The following SPA17 variants were observed in gnomAD, a reference collection of about 807,000 sequenced individuals.
The protein encoded by SPA17 is sperm surface protein Sp17.
A neutral mutation model predicts 13.8 loss-of-function variants in SPA17; 7 were observed. That is an observed-to-expected ratio of 0.51 (90% confidence interval 0.29 to 0.95). The LOEUF (loss-of-function observed/expected upper bound fraction) is 0.95. Among genes scored for constraint, SPA17 ranks in the 40% least tolerant of loss-of-function variants. The pLI is 0.08. For synonymous variants in SPA17, 61 were observed against 59.0 expected, an observed-to-expected ratio of 1.03 and a Z score of -0.16; for missense variants, 170 against 179.3, an observed-to-expected ratio of 0.95 and a Z score of 0.30.
intron 3 of SPA17, among the ~76,000 whole-genome samples, chr11:124,690,489 A>C (rs148191463): frequency 0.012 from 1,892 of 152,318 alleles, 22 homozygotes; most frequent in Non-Finnish European, 0.02. Flanking sequence ...GAGAAAGGAG[A>C]ATAATGAGAA....
At chr11:124,681,556 G>A in intron 3 of SPA17, 97 bp downstream of exon 3, 1 of 685,002 alleles carries the variant, frequency 1.5e-6, no homozygotes, top group Non-Finnish European at 2.2e-6. Context: ...AATTATGTGA[G>A]GAGGCATCAC....
chr11:124,681,035 G>A (rs1484539439), intron 2 of SPA17, among the ~76,000 whole-genome samples: 1 of 151,598 alleles, frequency 6.6e-6, no homozygotes, highest in Non-Finnish European at 1.5e-5. Flanking sequence ...TAGCATTTAG[G>A]TTTATACATT....
chr11:124,693,251 T>C (rs1361391444), intron 4 of SPA17, among the ~76,000 whole-genome samples: 1 of 152,162 alleles, frequency 6.6e-6, no homozygotes, highest in Admixed American at 6.6e-5. Context: ...TTTGTCTCAT[T>C]ATTTATAATA....
chr11:124,675,058 A>T, intron 1 of SPA17, 180 bp from the exon 2 acceptor site: 1 of 537,424 alleles, frequency 1.9e-6, no homozygotes, highest in Non-Finnish European at 3.2e-6. Flanking sequence ...TTTGTATTAT[A>T]CTAATTCACA....
chr11:124,683,838 T>A (rs973672068), intron 3 of SPA17, among the ~76,000 whole-genome samples: 1 of 152,124 alleles, frequency 6.6e-6, no homozygotes, highest in African/African-American at 2.4e-5. Context: ...TTAAAAAAAA[T>A]TTCTATGTCT....
At chr11:124,676,916 T>C (rs554320047) in intron 2 of SPA17, among the ~76,000 whole-genome samples, 90 of 152,328 alleles carry the variant, frequency 5.9e-4, no homozygotes, top group South Asian at 2.1e-3. Flanking sequence ...GGGAAAAAAC[T>C]AAAATTATTT....
intron 3 of SPA17, among the ~76,000 whole-genome samples, chr11:124,683,213 C>T (rs1943544602): frequency 6.6e-6 from 1 of 152,146 alleles, no homozygotes; most frequent in Non-Finnish European, 1.5e-5. Flanking sequence ...ACTAGGCTGG[C>T]CCTACAAGAA....
chr11:124,677,879 G>A (rs546358273), intron 2 of SPA17, among the ~76,000 whole-genome samples: 3 of 152,290 alleles, frequency 2.0e-5, no homozygotes, highest in Admixed American at 6.5e-5. Context: ...ACTTATGAAA[G>A]TATATTCAAA....
At position 124,681,447 on chromosome 11, in the gene SPA17, T is replaced by A. The variant is rs1389864209; in HGVS notation, c.213T>A (p.Asn71Lys). The change falls in exon 3 of 5, where the codon AAT becomes AAA. Residue 71 changes from asparagine to lysine, a missense_variant. Physicochemically the swap from Asn to Lys is moderately conservative, Grantham distance 94. Transcript: ENST00000227135. Reference protein sequence around the residue: ...GSKVEDRFYNNHAFEEQEPPE... With the variant: ...GSKVEDRFYNKHAFEEQEPPE... ...AGGTAGAAGACCGCTTCTATAACAA[T>A]CATGCATTCGAGGTATGGTCCTTTG... The A allele has an allele frequency of 6.3e-7, 1 of 1,583,868 alleles. No homozygotes were observed. The highest frequency in any genetic ancestry group is 8.6e-7 in the Non-Finnish European group (1 of 1,162,454).
chr11:124,694,507 TA>T lies in SPA17; in HGVS notation c.*63del. The stretch of plus-strand genomic sequence containing the variant: ...AATCCAAATCCATCAACCTTCTTAT[TA>T]ATGTCATTTCTTCCTGAGGAAGGAA... On this transcript the variant is annotated 3_prime_UTR_variant, in exon 5 of 5. Coordinates refer to ENST00000227135, the MANE Select transcript of SPA17 (RefSeq NM_017425.4). 1 of 1,535,316 alleles carries T rather than the reference TA, an allele frequency of 6.5e-7. No individual in the cohort carries two copies. Among genetic ancestry groups the T allele is most frequent in the Non-Finnish European group, 8.8e-7 (1 of 1,140,742 alleles).
intron 3 of SPA17, among the ~76,000 whole-genome samples, chr11:124,687,964 A>G (rs1275694585): frequency 1.3e-5 from 2 of 152,144 alleles, no homozygotes; most frequent in Non-Finnish European, 2.9e-5. Context: ...AGAAATAAAA[A>G]GCATCCATAT....
In SPA17 at chr11:124,675,288, C is replaced by T. The variant is rs1943446176; in HGVS notation, c.24C>T (p.Thr8=). The change falls in exon 2 of 5, where the codon ACC becomes ACT. Residue 8 remains threonine, a synonymous_variant. Transcript: ENST00000227135. The part of the protein sequence containing the change: MSIPFSN[T]HYRIPQGFGN... ...AGATGTCGATTCCATTCTCCAACACCCACTACCGAATTCCACAAGGATTTG... is the reference window on the plus strand; with the variant it reads ...AGATGTCGATTCCATTCTCCAACACTCACTACCGAATTCCACAAGGATTTG... 1.2e-6 allele frequency: 2 copies of T among 1,613,810 alleles called. No individual in the cohort carries two copies. Among genetic ancestry groups the T allele is most frequent in the African/African-American group, 2.7e-5 (2 of 74,904 alleles).
intron 1 of SPA17, 36 bp from the exon 2 acceptor site, chr11:124,675,202 C>T (rs570728747): frequency 1.9e-6 from 3 of 1,543,862 alleles, no homozygotes; most frequent in Admixed American, 4.3e-5. Context: ...TAAAATCAGA[C>T]AAATTTAAAG....
chr11:124,696,539 AG>A lies in SPA17; in HGVS notation c.*2095del, dbSNP rs1296821542. 6.6e-6 allele frequency: 1 copy of A among 152,234 alleles called. No individual in the cohort carries two copies. Among genetic ancestry groups the A allele is most frequent in the Non-Finnish European group, 1.5e-5 (1 of 68,078 alleles). The allele number at this position is 152,234 out of a possible 1,614,324, so 9.4% of individuals were successfully genotyped here. On this transcript the variant is annotated 3_prime_UTR_variant, in exon 5 of 5. Coordinates refer to ENST00000227135, the MANE Select transcript of SPA17 (RefSeq NM_017425.4). ...GTGATATTGGTAGTGAAGGAGGAAA[AG>A]GAAAAGGTGAGCAATGGATGTGATA...
At chr11:124,683,917 A>G (rs1943551749) in intron 3 of SPA17, among the ~76,000 whole-genome samples, 1 of 152,186 alleles carries the variant, frequency 6.6e-6, no homozygotes, top group Non-Finnish European at 1.5e-5. Flanking sequence ...GCATTAGACA[A>G]ATTATCTAAA....
chr11:124,675,179 G>C, intron 1 of SPA17, 59 bp from the exon 2 acceptor site: 1 of 1,487,392 alleles, frequency 6.7e-7, no homozygotes, highest in Non-Finnish European at 9.1e-7. Flanking sequence ...TGGCATAGTT[G>C]TGATTATATA....
chr11:124,678,240 ATC>A (rs751415891), intron 2 of SPA17, among the ~76,000 whole-genome samples: 1 of 151,978 alleles, frequency 6.6e-6, no homozygotes, highest in East Asian at 2.0e-4. Context: ...AATGAGAACT[ATC>A]TCTCGATAAT....
chr11:124,674,075 C>G, intron 1 of SPA17, 123 bp downstream of exon 1: 1 of 264,790 alleles, frequency 3.8e-6, no homozygotes, highest in Non-Finnish European at 7.3e-6. Flanking sequence ...GCCGAGGCAG[C>G]CCATTCTGCG....
rs955590513 is a variant in SPA17, at chr11:124,696,903, T to A, written c.*2457T>A. 1 of 152,190 alleles carries A rather than the reference T, an allele frequency of 6.6e-6. No individual in the cohort carries two copies. The highest frequency in any genetic ancestry group is 2.4e-5 in the African/African-American group (1 of 41,440). The allele number at this position is 152,190 out of a possible 1,614,324, so 9.4% of individuals were successfully genotyped here. On this transcript the variant is annotated 3_prime_UTR_variant, in exon 5 of 5. Coordinates refer to ENST00000227135, the MANE Select transcript of SPA17 (RefSeq NM_017425.4). The stretch of plus-strand genomic sequence containing the variant: ...ACATATAAAAAATGAATCCTGATAT[T>A]GCCCCCAAATCTGAAACTTCCCCCA...
Sources: allele counts gnomAD v4.1 joint callset (sites outside exome capture counted in the v4.1 genomes callset), GRCh38; gene constraint gnomAD v4.1.1; transcripts MANE v1.5; gene names NCBI Gene and HGNC (gene_info 2026-07-23, HGNC 2026-07-21).